ANXA3: variants seen among roughly 807,000 people sequenced by gnomAD.
ANXA3 encodes the protein annexin A3, also known as 35-alpha calcimedin.
In ANXA3, 46 loss-of-function variants were observed where a neutral mutation model predicts 48.8. That is an observed-to-expected ratio of 0.94 (90% CI 0.74 to 1.21). ANXA3 has a LOEUF of 1.21. Ranked by LOEUF, ANXA3 falls within the 50% of genes most tolerant of loss-of-function variation. The probability of loss-of-function intolerance (pLI) is 0.00; values close to 1 mark genes in which losing one functional copy is unlikely to be tolerated. For synonymous variants in ANXA3, 128 were observed against 134.7 expected, an observed-to-expected ratio of 0.95 and a Z score of 0.35; for missense variants, 383 against 378.6, an observed-to-expected ratio of 1.01 and a Z score of -0.10.
At chr4:78,559,571 C>T (rs1722585452) in intron 2 of ANXA3, among the ~76,000 whole-genome samples, 1 of 152,186 alleles carries the variant, frequency 6.6e-6, no homozygotes, top group Non-Finnish European at 1.5e-5. Flanking sequence ...TACCTAAATA[C>T]AATGCCTACT....
At chr4:78,588,561 G>C (rs1302114226) in intron 6 of ANXA3, among the ~76,000 whole-genome samples, 1 of 152,174 alleles carries the variant, frequency 6.6e-6, no homozygotes, top group Non-Finnish European at 1.5e-5. Flanking sequence ...GCTGATGTCG[G>C]GACCTCAGGG....
At chr4:78,565,056 C>A (rs767914003) in intron 2 of ANXA3, among the ~76,000 whole-genome samples, 17 of 149,190 alleles carry the variant, frequency 1.1e-4, no homozygotes, top group African/African-American at 4.0e-4. Context: ...TGCAGTAGCA[C>A]GATCTCAGCT....
At position 78,579,015 on chromosome 4, in the gene ANXA3, T is replaced by C. The variant is rs764161673; in HGVS notation, c.104-12T>C. On this transcript the variant is annotated splice_polypyrimidine_tract_variant and intron_variant, in intron 3 of 12. Coordinates refer to ENST00000264908, the MANE Select transcript of ANXA3 (RefSeq NM_005139.3). ...CATAAATATTGAGTAAAATAACTTT[T>C]GTTTCATTTAGGAACTGATGAGAAA... 2.6e-5 allele frequency: 41 copies of C among 1,580,980 alleles called. No homozygotes were observed. The East Asian group carries it at 7.0e-4, about 27-fold the overall frequency.
At chr4:78,578,966 C>A in intron 3 of ANXA3, 61 bp from the exon 4 acceptor site, 1 of 1,096,566 alleles carries the variant, frequency 9.1e-7, no homozygotes, top group Non-Finnish European at 1.4e-6. Flanking sequence ...GATCATTTTG[C>A]TTTTGTTCAA....
chr4:78,580,891 G>A (rs1374137330), intron 4 of ANXA3, among the ~76,000 whole-genome samples: 3 of 152,184 alleles, frequency 2.0e-5, no homozygotes, highest in African/African-American at 7.2e-5. Context: ...TAGCTTCAGG[G>A]CAAGACAACA....
intron 6 of ANXA3, among the ~76,000 whole-genome samples, chr4:78,588,731 C>T (rs1723229001): frequency 6.6e-6 from 1 of 152,150 alleles, no homozygotes; most frequent in Non-Finnish European, 1.5e-5. Context: ...CCTGGGTTGA[C>T]ACTGACATGA....
chr4:78,595,305 C>T (rs2109945381), intron 7 of ANXA3, 76 bp from the exon 8 acceptor site: 3 of 1,488,304 alleles, frequency 2.0e-6, no homozygotes, highest in South Asian at 2.3e-5. Flanking sequence ...CACTAAGATC[C>T]CCTGCTGGTT....
intron 2 of ANXA3, among the ~76,000 whole-genome samples, chr4:78,560,773 T>C (rs564199684): frequency 6.6e-6 from 1 of 152,226 alleles, no homozygotes; most frequent in East Asian, 1.9e-4. Flanking sequence ...GTCACCCCAA[T>C]TGCATCACAA....
At chr4:78,562,287 T>A (rs1475152628) in intron 2 of ANXA3, among the ~76,000 whole-genome samples, 3 of 152,200 alleles carry the variant, frequency 2.0e-5, no homozygotes, top group Non-Finnish European at 4.4e-5. Context: ...TCACATGAAT[T>A]ATAAGAGAAT....
At chr4:78,577,797 C>T (rs1218402480) in intron 3 of ANXA3, among the ~76,000 whole-genome samples, 2 of 152,164 alleles carry the variant, frequency 1.3e-5, no homozygotes, top group Admixed American at 6.5e-5. Context: ...CAAGCCAATT[C>T]ACAGCTTCCC....
At chr4:78,607,221 C>T (rs1247643152) in intron 12 of ANXA3, among the ~76,000 whole-genome samples, 1 of 152,174 alleles carries the variant, frequency 6.6e-6, no homozygotes, top group Non-Finnish European at 1.5e-5. Flanking sequence ...TGAAATAGTA[C>T]AAGATTTCTT....
chr4:78,599,639 A>G (rs1723496029), intron 10 of ANXA3, among the ~76,000 whole-genome samples: 1 of 152,196 alleles, frequency 6.6e-6, no homozygotes, highest in Admixed American at 6.5e-5. Flanking sequence ...TTAGGCCAGG[A>G]GTTCAAGACC....
chr4:78,601,626 T>C, intron 11 of ANXA3, 58 bp downstream of exon 11: 2 of 1,361,162 alleles, frequency 1.5e-6, no homozygotes, highest in South Asian at 1.2e-5. Context: ...TGGGAAAGTA[T>C]GCAAATAGTA....
chr4:78,595,179 G>A (rs2109945312), intron 7 of ANXA3, among the ~76,000 whole-genome samples: 1 of 152,174 alleles, frequency 6.6e-6, no homozygotes, highest in South Asian at 2.1e-4. Context: ...AGGGAACTGA[G>A]GCCCCCAAAA....
At chr4:78,562,117 G>A (rs753993998) in intron 2 of ANXA3, among the ~76,000 whole-genome samples, 8 of 152,172 alleles carry the variant, frequency 5.3e-5, no homozygotes, top group Non-Finnish European at 8.8e-5. Context: ...TGGTAAATCA[G>A]AGGTAAAGAG....
chr4:78,600,346 T>C (rs1723508244), intron 10 of ANXA3, among the ~76,000 whole-genome samples: 1 of 152,036 alleles, frequency 6.6e-6, no homozygotes, highest in Non-Finnish European at 1.5e-5. Context: ...ACAAATCTAG[T>C]AGGTAAGAAT....
chr4:78,562,376 T>C (rs1181149797), intron 2 of ANXA3, among the ~76,000 whole-genome samples: 1 of 152,228 alleles, frequency 6.6e-6, no homozygotes, highest in Non-Finnish European at 1.5e-5. Context: ...ACTCTTTGTG[T>C]TTGATTCAGT....
At chr4:78,599,247 C>T (rs970776862) in intron 10 of ANXA3, among the ~76,000 whole-genome samples, 2 of 152,180 alleles carry the variant, frequency 1.3e-5, no homozygotes, top group African/African-American at 4.8e-5. Context: ...TTTTAATCAG[C>T]CGCATAAGAA....
intron 2 of ANXA3, among the ~76,000 whole-genome samples, chr4:78,569,439 G>T (rs1485623238): frequency 1.3e-5 from 2 of 152,166 alleles, no homozygotes; most frequent in African/African-American, 2.4e-5. Context: ...GTCCTGTTTG[G>T]CTGTAAAAAT....
Sources: allele counts gnomAD v4.1 joint callset (sites outside exome capture counted in the v4.1 genomes callset), GRCh38; gene constraint gnomAD v4.1.1; transcripts MANE v1.5; gene names NCBI Gene and HGNC (gene_info 2026-07-23, HGNC 2026-07-21).